The following CTNNA3 variants were observed in gnomAD, a reference collection of about 807,000 sequenced individuals.
The protein encoded by CTNNA3 is catenin alpha-3.
A neutral mutation model predicts 95.7 loss-of-function variants in CTNNA3; 76 were observed. That is an observed-to-expected ratio of 0.79 (90% CI 0.66 to 0.96). The LOEUF (loss-of-function observed/expected upper bound fraction) is 0.96, where lower values mean the gene tolerates loss of function less well. CTNNA3 is among the 40% of genes least tolerant of loss of function. CTNNA3 has a pLI of 0.00. For synonymous variants in CTNNA3, 431 were observed against 374.4 expected, an observed-to-expected ratio of 1.15 and a Z score of -1.74; for missense variants, 1,191 against 1,089.8, an observed-to-expected ratio of 1.09 and a Z score of -1.31.
At chr10:66,830,759 G>A (rs998700309) in intron 7 of CTNNA3, among the ~76,000 whole-genome samples, 5 of 151,938 alleles carry the variant, frequency 3.3e-5, no homozygotes, top group Admixed American at 6.6e-5. Flanking sequence ...ACAGGCGCCC[G>A]CCATCACGCC....
At chr10:66,569,722 G>A (rs114739609) in intron 10 of CTNNA3, among the ~76,000 whole-genome samples, 160 of 152,056 alleles carry the variant, frequency 1.1e-3, no homozygotes, top group African/African-American at 3.7e-3. Context: ...TGTACAGTCA[G>A]CTATTATCTA....
intron 11 of CTNNA3, among the ~76,000 whole-genome samples, chr10:66,513,163 A>G (rs1840721532): frequency 6.6e-6 from 1 of 152,128 alleles, no homozygotes; most frequent in African/African-American, 2.4e-5. Context: ...TTGCATAGTG[A>G]TATCCCATAT....
At chr10:66,134,666 T>C (rs1014561702) in intron 13 of CTNNA3, among the ~76,000 whole-genome samples, 12 of 152,142 alleles carry the variant, frequency 7.9e-5, no homozygotes, top group Admixed American at 7.9e-4. Context: ...AACTACAAGA[T>C]GCAGGTGTGA....
At chr10:66,035,885 G>A (rs1262509231) in intron 15 of CTNNA3, among the ~76,000 whole-genome samples, 1 of 152,014 alleles carries the variant, frequency 6.6e-6, no homozygotes, top group South Asian at 2.1e-4. Context: ...ATCAACAGAA[G>A]TTTTCTAAGG....
chr10:67,106,787 T>C (rs367764398), intron 7 of CTNNA3, among the ~76,000 whole-genome samples: 2 of 152,190 alleles, frequency 1.3e-5, no homozygotes, highest in East Asian at 3.9e-4. Context: ...TTTAAGGCTA[T>C]CACTGAAGAC....
At chr10:66,632,071 G>T (rs1440775965) in intron 9 of CTNNA3, among the ~76,000 whole-genome samples, 3 of 151,948 alleles carry the variant, frequency 2.0e-5, no homozygotes, top group Admixed American at 2.0e-4. Flanking sequence ...TTTACTTAAT[G>T]ATATAAAAAG....
chr10:67,063,976 A>G (rs542806516), intron 7 of CTNNA3, among the ~76,000 whole-genome samples: 145 of 152,286 alleles, frequency 9.5e-4, no homozygotes, highest in Middle Eastern at 3.4e-3. Context: ...CAAAAGTAAC[A>G]CAGTCAGTTG....
intron 13 of CTNNA3, among the ~76,000 whole-genome samples, chr10:66,176,715 C>T (rs1395453161): frequency 1.3e-5 from 2 of 152,014 alleles, no homozygotes; most frequent in Non-Finnish European, 2.9e-5. Flanking sequence ...CAGGAAGTGT[C>T]ATCTATGAAC....
intron 5 of CTNNA3, among the ~76,000 whole-genome samples, chr10:67,410,123 T>TA (rs1845308745): frequency 6.6e-6 from 1 of 152,068 alleles, no homozygotes; most frequent in Non-Finnish European, 1.5e-5. Context: ...CCATCAAAGA[T>TA]AGACTGGATT....
chr10:66,871,494 G>A (rs1022866970), intron 7 of CTNNA3, among the ~76,000 whole-genome samples: 2 of 150,888 alleles, frequency 1.3e-5, no homozygotes, highest in Admixed American at 6.6e-5. Flanking sequence ...CCTGGGAGGC[G>A]GAGGTTGCGG....
intron 10 of CTNNA3, among the ~76,000 whole-genome samples, chr10:66,557,801 G>A (rs1842437145): frequency 6.6e-6 from 1 of 151,982 alleles, no homozygotes; most frequent in South Asian, 2.1e-4. Flanking sequence ...AAGACACTAA[G>A]CCTTACAATA....
intron 10 of CTNNA3, among the ~76,000 whole-genome samples, chr10:66,607,230 G>A (rs984239174): frequency 1.3e-5 from 2 of 151,850 alleles, no homozygotes; most frequent in African/African-American, 4.8e-5. Context: ...ACAGAGCCAC[G>A]AAGGAACTGA....
chr10:66,458,493 A>G (rs538755144), intron 11 of CTNNA3, among the ~76,000 whole-genome samples: 6 of 152,298 alleles, frequency 3.9e-5, no homozygotes, highest in African/African-American at 1.4e-4. Context: ...AAGTGCATTC[A>G]CATTGTTTCA....
intron 10 of CTNNA3, among the ~76,000 whole-genome samples, chr10:66,619,581 AG>A (rs1844667103): frequency 1.4e-5 from 1 of 71,864 alleles, no homozygotes; most frequent in Non-Finnish European, 2.6e-5. Flanking sequence ...GGGAGGGGGG[AG>A]GGATAGCATT....
At chr10:66,976,472 G>T (rs917527344) in intron 7 of CTNNA3, among the ~76,000 whole-genome samples, 3 of 151,996 alleles carry the variant, frequency 2.0e-5, no homozygotes, top group South Asian at 2.1e-4. Flanking sequence ...TTTTTCTATA[G>T]ATTACTCCAA....
chr10:67,588,220 A>C (rs12265217), intron 3 of CTNNA3, among the ~76,000 whole-genome samples: 1 of 139,624 alleles, frequency 7.2e-6, no homozygotes, highest in African/African-American at 2.8e-5. Flanking sequence ...TTTTGTTAAG[A>C]TCTATCTTAT....
chr10:66,289,722 CAT>C (rs1188912076), intron 12 of CTNNA3, among the ~76,000 whole-genome samples: 1 of 151,962 alleles, frequency 6.6e-6, no homozygotes, highest in African/African-American at 2.4e-5. Flanking sequence ...TGAATTTCCA[CAT>C]GTTGGTTTAC....
chr10:66,918,467 G>A (rs1288403644), intron 7 of CTNNA3, among the ~76,000 whole-genome samples: 1 of 152,098 alleles, frequency 6.6e-6, no homozygotes, highest in Non-Finnish European at 1.5e-5. Context: ...TATCCACTTT[G>A]GGGCTGGATA....
chr10:66,975,130 A>G (rs72804654), intron 7 of CTNNA3, among the ~76,000 whole-genome samples: 35,228 of 152,066 alleles, frequency 0.23, 4,627 homozygotes, highest in Non-Finnish European at 0.31. Flanking sequence ...GCATTTCATC[A>G]TTTCAAAAAT....
Sources: gnomAD v4.1 joint callset for allele counts (sites outside exome capture counted in the v4.1 genomes callset) on GRCh38, gnomAD v4.1.1 for gene constraint, MANE v1.5 for transcripts, NCBI Gene and HGNC (gene_info 2026-07-23, HGNC 2026-07-21) for gene names.